NAALADL2: variants seen among roughly 807,000 people sequenced by gnomAD.
The protein encoded by NAALADL2 is N-acetylated alpha-linked acidic dipeptidase like 2.
Under a neutral mutation model 87.2 loss-of-function variants are expected in NAALADL2, and 76 were observed. That is an observed-to-expected ratio of 0.87 (90% CI 0.72 to 1.05). The LOEUF is 1.05. Ranked by LOEUF, NAALADL2 falls within the 50% of genes least tolerant of loss-of-function variation. The pLI is 0.00. For synonymous variants in NAALADL2, 354 were observed against 331.0 expected (o/e 1.07, Z -0.75); for missense variants, 1,089 against 945.8 (o/e 1.15, Z -1.99).
chr3:174,847,817 A>G (rs531876775), intron 3 of NAALADL2, among the ~76,000 whole-genome samples: 1 of 146,818 alleles, frequency 6.8e-6, no homozygotes, highest in Non-Finnish European at 1.5e-5. Flanking sequence ...AAAAAAAAAA[A>G]GCACATCCAT....
chr3:175,062,888 T>C (rs750788065), intron 1 of NAALADL2, among the ~76,000 whole-genome samples: 6 of 152,126 alleles, frequency 3.9e-5, no homozygotes, highest in African/African-American at 1.4e-4. Flanking sequence ...CATACTTGGA[T>C]TTCAATATAT....
intron 2 of NAALADL2, among the ~76,000 whole-genome samples, chr3:175,199,821 T>TATATATATATAC: frequency 1.4e-4 from 1 of 7,188 alleles, no homozygotes; most frequent in African/African-American, 4.5e-4. Context: ...GGGAAAGAAA[T>TATATATATATAC]ATATATATAT....
chr3:175,168,577 A>T (rs1246581179), intron 2 of NAALADL2, among the ~76,000 whole-genome samples: 1 of 151,898 alleles, frequency 6.6e-6, no homozygotes. Flanking sequence ...AATACTGTAT[A>T]AAATTAGACA....
intron 1 of NAALADL2, among the ~76,000 whole-genome samples, chr3:174,450,220 A>T (rs1351865135): frequency 6.6e-6 from 1 of 152,208 alleles, no homozygotes; most frequent in African/African-American, 2.4e-5. Flanking sequence ...TGCCACACAG[A>T]AAGCCAGTCA....
chr3:174,643,550 A>C (rs1723474674), intron 2 of NAALADL2, among the ~76,000 whole-genome samples: 1 of 152,058 alleles, frequency 6.6e-6, no homozygotes, highest in African/African-American at 2.4e-5. Context: ...GCTACTCGGG[A>C]GGCTGAGGCA....
chr3:174,599,200 A>G (rs1197386020), intron 2 of NAALADL2, among the ~76,000 whole-genome samples: 1 of 152,124 alleles, frequency 6.6e-6, no homozygotes. Context: ...CCAGTTGTGG[A>G]TTGCTCGACT....
intron 2 of NAALADL2, among the ~76,000 whole-genome samples, chr3:174,555,557 C>T (rs544551070): frequency 5.5e-4 from 83 of 152,272 alleles, no homozygotes; most frequent in African/African-American, 1.9e-3. Flanking sequence ...GCCTTGGCCT[C>T]CCAAAGTGCT....
intron 9 of NAALADL2, among the ~76,000 whole-genome samples, chr3:175,511,015 G>A (rs377637751): frequency 2.0e-5 from 3 of 152,284 alleles, no homozygotes; most frequent in African/African-American, 7.2e-5. Context: ...TGGTAGCCTA[G>A]ATAGAATATC....
rs560554929 is a variant in NAALADL2 at position 175,325,764 on chromosome 3, T to C, written c.1090+1439T>C. On this transcript the variant is annotated intron_variant, in intron 5 of 13. Coordinates refer to ENST00000454872, the MANE Select transcript of NAALADL2 (RefSeq NM_207015.3). ...AGAGTTGTAAGGAGTTTCAACATCCTTTTTTTCTACTTTTGTTCTAAAATA... is the reference window on the plus strand; with the variant it reads ...AGAGTTGTAAGGAGTTTCAACATCCCTTTTTTCTACTTTTGTTCTAAAATA... Among the ~76,000 whole-genome samples the C allele has an allele frequency of 5.3e-5, 8 of 152,316 alleles. No individual in the cohort carries two copies. In the South Asian group the frequency reaches 1.7e-3, roughly 32 times the overall value.
At chr3:174,521,455 A>G (rs1340102036) in intron 1 of NAALADL2, among the ~76,000 whole-genome samples, 1 of 151,388 alleles carries the variant, frequency 6.6e-6, no homozygotes, top group Non-Finnish European at 1.5e-5. Context: ...AGTACCAGCT[A>G]CTCAGAAGGG....
chr3:174,853,025 G>A (rs1486890575), intron 3 of NAALADL2, among the ~76,000 whole-genome samples: 2 of 151,646 alleles, frequency 1.3e-5, no homozygotes, highest in Non-Finnish European at 2.9e-5. Flanking sequence ...AATTAAACTA[G>A]ACTCATATCT....
chr3:174,671,034 C>T (rs192519563), intron 2 of NAALADL2, among the ~76,000 whole-genome samples: 53 of 152,160 alleles, frequency 3.5e-4, no homozygotes, highest in Admixed American at 3.4e-3. Context: ...GTGGCTGCTT[C>T]CCCTCTGCTT....
At chr3:174,555,799 C>A (rs1002894952) in intron 2 of NAALADL2, among the ~76,000 whole-genome samples, 4 of 152,108 alleles carry the variant, frequency 2.6e-5, no homozygotes, top group African/African-American at 9.7e-5. Context: ...ACTTTCAGGT[C>A]AGATAATTCT....
chr3:174,666,973 T>G (rs912046993), intron 2 of NAALADL2, among the ~76,000 whole-genome samples: 1 of 152,178 alleles, frequency 6.6e-6, no homozygotes, highest in Middle Eastern at 3.2e-3. Context: ...TAACATAGTG[T>G]CCTCAAGGTT....
intron 11 of NAALADL2, among the ~76,000 whole-genome samples, chr3:175,711,146 G>A (rs6779143): frequency 0.32 from 48,405 of 151,514 alleles, 10,306 homozygotes; most frequent in African/African-American, 0.61. Flanking sequence ...GACCAGAGCC[G>A]CTTTAGAATA....
At chr3:174,751,418 T>C (rs544501870) in intron 3 of NAALADL2, among the ~76,000 whole-genome samples, 1 of 152,240 alleles carries the variant, frequency 6.6e-6, no homozygotes, top group South Asian at 2.1e-4. Flanking sequence ...ATCCCAGCAC[T>C]TTGGGAGGCC....
chr3:174,588,744 T>A (rs1717014001), intron 2 of NAALADL2, among the ~76,000 whole-genome samples: 1 of 152,144 alleles, frequency 6.6e-6, no homozygotes. Flanking sequence ...GGAAGCTTCG[T>A]CTCAGAGGGG....
intron 9 of NAALADL2, among the ~76,000 whole-genome samples, chr3:175,528,420 G>A (rs1048879947): frequency 6.6e-6 from 1 of 151,868 alleles, no homozygotes; most frequent in African/African-American, 2.4e-5. Flanking sequence ...GCTGGCAGCT[G>A]ATTAGATGGT....
intron 10 of NAALADL2, among the ~76,000 whole-genome samples, chr3:175,584,394 T>C (rs1720245449): frequency 6.8e-6 from 1 of 146,454 alleles, no homozygotes; most frequent in Admixed American, 6.7e-5. Flanking sequence ...TTAAGAAAAC[T>C]GGCCAAGGTC....
Sources: allele counts gnomAD v4.1 joint callset (sites outside exome capture counted in the v4.1 genomes callset), GRCh38; gene constraint gnomAD v4.1.1; transcripts MANE v1.5; gene names NCBI Gene and HGNC (gene_info 2026-07-23, HGNC 2026-07-21).